FMN1: variants seen among roughly 807,000 people sequenced by gnomAD.
The protein encoded by FMN1 is formin 1.
FMN1 carries 110 observed loss-of-function variants against 132.4 expected under a neutral mutation model. The observed-to-expected ratio is 0.83, with a 90% confidence interval of 0.71 to 0.97. FMN1 has a LOEUF of 0.97. Among genes scored for constraint, FMN1 ranks in the 50% least tolerant of loss-of-function variants. The pLI, the probability that FMN1 is intolerant of heterozygous loss-of-function variation, is 0.00. For synonymous variants in FMN1, 722 were observed against 651.7 expected, an observed-to-expected ratio of 1.11 and a Z score of -1.64; for missense variants, 1,792 against 1,705.3, an observed-to-expected ratio of 1.05 and a Z score of -0.90.
intron 7 of FMN1, among the ~76,000 whole-genome samples, chr15:32,992,658 T>C (rs2033507571): frequency 6.6e-6 from 1 of 152,226 alleles, no homozygotes; most frequent in African/African-American, 2.4e-5. Context: ...TTTAATTCAC[T>C]TTCTTCTAAT....
intron 7 of FMN1, among the ~76,000 whole-genome samples, chr15:33,006,867 G>C (rs1392382449): frequency 6.6e-6 from 1 of 152,100 alleles, no homozygotes; most frequent in Non-Finnish European, 1.5e-5. Flanking sequence ...GTAGAATGGT[G>C]GTTACCAGGG....
intron 7 of FMN1, among the ~76,000 whole-genome samples, chr15:32,998,664 G>A (rs572386779): frequency 1.1e-4 from 16 of 152,206 alleles, no homozygotes; most frequent in African/African-American, 2.6e-4. Context: ...GAAACTCACC[G>A]GTTCCAGCAG....
intron 9 of FMN1, among the ~76,000 whole-genome samples, chr15:32,934,123 T>C (rs1314002999): frequency 6.6e-6 from 1 of 152,164 alleles, no homozygotes; most frequent in Non-Finnish European, 1.5e-5. Flanking sequence ...TTTGTTGTTG[T>C]ATCTCCTATA....
chr15:33,036,083 A>G (rs773951240), intron 6 of FMN1, among the ~76,000 whole-genome samples: 7 of 152,218 alleles, frequency 4.6e-5, no homozygotes, highest in Non-Finnish European at 1.0e-4. Flanking sequence ...CTCAGCCTCC[A>G]TAACTGCATG....
Position 33,065,418 on chromosome 15 carries a change from T to C in FMN1, c.2044-344A>G, listed in dbSNP as rs530672270. 3.3e-5 allele frequency among the ~76,000 whole-genome samples: 5 copies of C among 152,356 alleles called. No homozygotes were observed. The South Asian group carries it at 1.0e-3, about 32-fold the overall frequency. ...TAAATGTACTACACTGATGTGCATTTATGGGAATGTTTACCAATGTATCCC... is the reference window on the plus strand; with the variant it reads ...TAAATGTACTACACTGATGTGCATTCATGGGAATGTTTACCAATGTATCCC... On this transcript the variant is annotated intron_variant, in intron 5 of 20. Transcript: ENST00000616417.
chr15:32,953,268 A>G (rs999562156), intron 9 of FMN1, among the ~76,000 whole-genome samples: 5 of 152,172 alleles, frequency 3.3e-5, no homozygotes, highest in African/African-American at 1.2e-4. Flanking sequence ...GACGACACAC[A>G]TGATTTCTTC....
chr15:32,969,126 C>T lies in FMN1; in HGVS notation c.2575G>A (p.Gly859Ser). 3 of 1,613,396 alleles carry T rather than the reference C, an allele frequency of 1.9e-6. No individual in the cohort carries two copies. The highest frequency in any genetic ancestry group is 2.5e-6 in the Non-Finnish European group (3 of 1,179,548). Residue 859 changes from glycine (G) to serine (S), a missense_variant, in exon 8 of 21, where the codon GGC becomes AGC. This residue lies in a region of FMN1 where 1,150 missense variants were observed against 1,043.1 expected (regional missense o/e 1.10). Transcript: ENST00000616417. ...GCCTTCTGCTGATTTGATGCCATGC[C>T]CTCCATTGGCTGGAGTGCTGCATGG... ...DIHAALQPMEGMASNQQKALP... is the reference protein window; with the variant it reads ...DIHAALQPMESMASNQQKALP...
intron 4 of FMN1, among the ~76,000 whole-genome samples, chr15:33,142,728 A>C (rs979890319): frequency 1.2e-4 from 19 of 152,256 alleles, no homozygotes; most frequent in African/African-American, 4.3e-4. Flanking sequence ...TTCTAGCAAC[A>C]GTGCTTACAC....
At chr15:33,037,523 C>T (rs945566850) in intron 6 of FMN1, among the ~76,000 whole-genome samples, 1 of 152,136 alleles carries the variant, frequency 6.6e-6, no homozygotes. Flanking sequence ...TGGCTGTGTC[C>T]TTTGTAACCT....
chr15:33,166,739 G>A (rs533997335), intron 3 of FMN1, among the ~76,000 whole-genome samples: 97 of 152,202 alleles, frequency 6.4e-4, no homozygotes, highest in African/African-American at 2.1e-3. Context: ...TTAATCCAGC[G>A]TTATTTCACG....
intron 16 of FMN1, among the ~76,000 whole-genome samples, chr15:32,870,134 G>C (rs1161957065): frequency 6.6e-6 from 1 of 152,072 alleles, no homozygotes; most frequent in Admixed American, 6.6e-5. Flanking sequence ...TATCTGCCTG[G>C]GATGTTTTTG....
intron 13 of FMN1, among the ~76,000 whole-genome samples, chr15:32,901,331 CA>C (rs1325228708): frequency 3.3e-5 from 5 of 152,130 alleles, no homozygotes; most frequent in African/African-American, 9.7e-5. Context: ...AAATAAGGAA[CA>C]AAGTACTACA....
chr15:32,909,335 T>C (rs1352926488), intron 11 of FMN1, among the ~76,000 whole-genome samples: 1 of 152,246 alleles, frequency 6.6e-6, no homozygotes, highest in Non-Finnish European at 1.5e-5. Context: ...TATACCTTGC[T>C]GACCTCCAAG....
At chr15:32,963,999 T>C in intron 9 of FMN1, 108 bp downstream of exon 9, 1 of 592,188 alleles carries the variant, frequency 1.7e-6, no homozygotes. Context: ...TAGGTATGTG[T>C]GTGTGTGTAT....
At chr15:33,069,354 A>G (rs1436926027) in intron 5 of FMN1, among the ~76,000 whole-genome samples, 1 of 152,212 alleles carries the variant, frequency 6.6e-6, no homozygotes, top group Non-Finnish European at 1.5e-5. Context: ...GCATGCAGTG[A>G]GTGCCTGGGA....
intron 19 of FMN1, among the ~76,000 whole-genome samples, chr15:32,798,216 A>C (rs74011830): frequency 0.021 from 3,013 of 140,958 alleles, 125 homozygotes; most frequent in African/African-American, 0.073. Context: ...ACACACACAC[A>C]CCCCGTCTAT....
chr15:32,956,035 T>A (rs1245027218), intron 9 of FMN1, among the ~76,000 whole-genome samples: 1 of 152,218 alleles, frequency 6.6e-6, no homozygotes, highest in Non-Finnish European at 1.5e-5. Context: ...GGTAATTTGC[T>A]GTGAAATTTG....
intron 7 of FMN1, among the ~76,000 whole-genome samples, chr15:32,987,934 A>G (rs1428599877): frequency 6.6e-6 from 1 of 152,054 alleles, no homozygotes; most frequent in East Asian, 1.9e-4. Flanking sequence ...AGCAACAGTC[A>G]CAGTTTCTCA....
At chr15:33,011,695 C>T (rs2034734478) in intron 6 of FMN1, among the ~76,000 whole-genome samples, 1 of 151,790 alleles carries the variant, frequency 6.6e-6, no homozygotes, top group African/African-American at 2.4e-5. Flanking sequence ...GGAGAATATA[C>T]TTGCAACACC....
Sources: gnomAD v4.1 joint callset for allele counts (sites outside exome capture counted in the v4.1 genomes callset) on GRCh38, gnomAD v4.1.1 for gene constraint, gnomAD v4.1.1 regional missense constraint, MANE v1.5 for transcripts, NCBI Gene and HGNC (gene_info 2026-07-23, HGNC 2026-07-21) for gene names.